Variants in ECPAS observed in about 807,000 individuals in gnomAD.
ECPAS encodes the protein Ecm29 proteasome adaptor and scaffold, also known as proteasome adapter and scaffold protein ECM29.
Under a neutral mutation model 255.1 loss-of-function variants are expected in ECPAS, and 70 were observed. The observed-to-expected ratio is 0.27, with a 90% confidence interval of 0.23 to 0.33. The LOEUF (loss-of-function observed/expected upper bound fraction) is 0.33. Among genes scored for constraint, ECPAS ranks in the 10% least tolerant of loss-of-function variants. The pLI, the probability that ECPAS is intolerant of heterozygous loss-of-function variation, is 1.00. For synonymous variants in ECPAS, 784 were observed against 775.0 expected, an observed-to-expected ratio of 1.01 and a Z score of -0.19; for missense variants, 1,817 against 2,206.4, an observed-to-expected ratio of 0.82 and a Z score of 3.54.
At chr9:111,457,246 G>C (rs1393946602) in intron 2 of ECPAS, among the ~76,000 whole-genome samples, 1 of 152,134 alleles carries the variant, frequency 6.6e-6, no homozygotes, top group Non-Finnish European at 1.5e-5. Context: ...GAGGAATACA[G>C]TAAATGACAA....
At chr9:111,481,411 C>T (rs1235446293) in intron 1 of ECPAS, among the ~76,000 whole-genome samples, 2 of 152,036 alleles carry the variant, frequency 1.3e-5, no homozygotes, top group Non-Finnish European at 2.9e-5. Flanking sequence ...AGGGCTGAGG[C>T]ATAAGAATGG....
intron 2 of ECPAS, among the ~76,000 whole-genome samples, chr9:111,458,457 T>C (rs1364663029): frequency 6.6e-6 from 1 of 152,218 alleles, no homozygotes; most frequent in Non-Finnish European, 1.5e-5. Context: ...TTGTTATTCA[T>C]GGTGGGACCC....
chr9:111,462,850 C>G (rs936548815), intron 2 of ECPAS, among the ~76,000 whole-genome samples: 1 of 150,244 alleles, frequency 6.7e-6, no homozygotes, highest in Non-Finnish European at 1.5e-5. Flanking sequence ...TCAAGCGATT[C>G]TCCTGCCTCA....
intron 49 of ECPAS, among the ~76,000 whole-genome samples, chr9:111,362,967 T>C (rs529214048): frequency 1.3e-5 from 2 of 152,198 alleles, no homozygotes; most frequent in Admixed American, 1.3e-4. Flanking sequence ...AAAGAGCAAA[T>C]ACACAAGGTT....
rs750670170 is a variant in ECPAS, at chr9:111,408,682, C to G, written c.2551-10G>C. On this transcript the variant is annotated splice_polypyrimidine_tract_variant and intron_variant, in intron 23 of 49. Transcript: ENST00000684092. ...TTGCTCGTTCTTTCATCTGGAAGAA[C>G]ACCAAATTTTTTTCTTTTAAACAGA... 8 of 1,529,694 alleles carry G rather than the reference C, an allele frequency of 5.2e-6. No individual in the cohort carries two copies. The South Asian group carries it at 6.3e-5, about 12-fold the overall frequency. 94.8% of individuals were successfully genotyped at this position (1,529,694 alleles called of 1,614,324 possible).
chr9:111,363,568 C>G lies in ECPAS; in HGVS notation c.5380+20G>C, dbSNP rs529045934. 2.2e-5 allele frequency: 33 copies of G among 1,484,630 alleles called. No homozygotes were observed. The South Asian group carries it at 3.7e-4, about 17-fold the overall frequency. The allele number at this position is 1,484,630 out of a possible 1,614,324, so 92.0% of individuals were successfully genotyped here. A position where few individuals can be genotyped will look rare whatever the true frequency, so the allele number is the denominator to read the frequency against. ...CCACATGGCTTTATGGTCCCCCAGT[C>G]AGAACTAACAACAACTTACCTTCAA... On this transcript the variant is annotated intron_variant, in intron 49 of 49. Coordinates refer to ENST00000684092, the MANE Select transcript of ECPAS (RefSeq NM_001364929.1).
At chr9:111,475,259 A>G (rs1288106900) in intron 1 of ECPAS, among the ~76,000 whole-genome samples, 1 of 152,228 alleles carries the variant, frequency 6.6e-6, no homozygotes, top group Non-Finnish European at 1.5e-5. Flanking sequence ...ATAAAATGGG[A>G]AGCATCAAGG....
At chr9:111,419,537 T>G (rs545429085) in intron 16 of ECPAS, among the ~76,000 whole-genome samples, 36 of 152,118 alleles carry the variant, frequency 2.4e-4, no homozygotes, top group African/African-American at 8.4e-4. Flanking sequence ...GAAAATGCAG[T>G]AGTATAATTC....
rs774578514 is a variant in ECPAS at position 111,484,364 on chromosome 9, A to G, written c.-331T>C. 4 of 1,611,376 alleles carry G rather than the reference A, an allele frequency of 2.5e-6. No homozygotes were observed. The highest frequency in any genetic ancestry group is 3.4e-6 in the Non-Finnish European group (4 of 1,179,244). On this transcript the variant is annotated 5_prime_UTR_variant, in exon 1 of 50. Transcript: ENST00000684092. ...CCGACCTGGGGAAACACGCCTGTCC[A>G]AAGGAAGAGACGTGGACTCAGAAAA...
chr9:111,389,914 A>G (rs2098156740), intron 30 of ECPAS, 70 bp downstream of exon 30: 1 of 1,215,712 alleles, frequency 8.2e-7, no homozygotes, highest in South Asian at 1.3e-5. Flanking sequence ...ACCATTTGCC[A>G]CTGTCTGCCA....
chr9:111,484,029 CGCGGCGGCCTGTGCGG>C (rs1306341661), intron 1 of ECPAS, 71 bp downstream of exon 1: 39 of 1,048,736 alleles, frequency 3.7e-5, no homozygotes, highest in Non-Finnish European at 4.2e-5. Flanking sequence ...GGACTCGACA[CGCGGCGGCCTGTGCGG>C]GCGGCCCGGC....
At chr9:111,457,432 G>A (rs1037919292) in intron 2 of ECPAS, among the ~76,000 whole-genome samples, 1 of 152,140 alleles carries the variant, frequency 6.6e-6, no homozygotes, top group Non-Finnish European at 1.5e-5. Context: ...GAGAGATTAG[G>A]ATTCAGCACA....
intron 45 of ECPAS, among the ~76,000 whole-genome samples, 163 bp from the exon 46 acceptor site, chr9:111,369,336 C>A (rs529224866): frequency 5.9e-5 from 9 of 152,222 alleles, no homozygotes; most frequent in African/African-American, 2.2e-4. Flanking sequence ...GAATTTATAA[C>A]CAGAATACTG....
At chr9:111,384,401 T>C (rs1039068755) in intron 34 of ECPAS, 121 bp downstream of exon 34, 5 of 843,082 alleles carry the variant, frequency 5.9e-6, no homozygotes, top group Non-Finnish European at 7.9e-6. Context: ...AGCAGTGAAC[T>C]ACAACATGAA....
intron 2 of ECPAS, among the ~76,000 whole-genome samples, chr9:111,469,191 T>G (rs991779125): frequency 6.6e-6 from 1 of 151,032 alleles, no homozygotes; most frequent in African/African-American, 2.4e-5. Flanking sequence ...TAAGCCAAAA[T>G]TGTGCCACTG....
chr9:111,430,414 C>G, intron 9 of ECPAS, 133 bp downstream of exon 9: 1 of 668,668 alleles, frequency 1.5e-6, no homozygotes, highest in African/African-American at 1.8e-5. Context: ...TCTAAACTAG[C>G]ATGACTTAAA....
chr9:111,482,397 T>C (rs1448101985), intron 1 of ECPAS, among the ~76,000 whole-genome samples: 1 of 152,244 alleles, frequency 6.6e-6, no homozygotes, highest in African/African-American at 2.4e-5. Flanking sequence ...AATTCCTACC[T>C]ATCTGCCTCA....
rs751687233 is a variant in ECPAS at position 111,407,428 on chromosome 9, A to AAAAAAAAAAAAAAAAAAAG, written c.2652+1142_2652+1143insCTTTTTTTTTTTTTTTTTT. 7.9e-4 allele frequency among the ~76,000 whole-genome samples: 78 copies of AAAAAAAAAAAAAAAAAAAG among 98,812 alleles called. 6 individuals carry two copies. The highest frequency in any genetic ancestry group is 1.5e-3 in the Non-Finnish European group (57 of 38,748). 64.8% of individuals were successfully genotyped at this position (98,812 alleles called of 152,430 possible). A position where few individuals can be genotyped will look rare whatever the true frequency, so the allele number is the denominator to read the frequency against. On this transcript the variant is annotated intron_variant, in intron 24 of 49. Coordinates refer to ENST00000684092, the MANE Select transcript of ECPAS (RefSeq NM_001364929.1). ...GAAAAAAAAAAAAAAAAAAAAAAAA[A>AAAAAAAAAAAAAAAAAAAG]AAAAAAAAAACCTAGAAGAAACCCA...
At chr9:111,436,805 A>C in intron 7 of ECPAS, 135 bp downstream of exon 7, 1 of 740,330 alleles carries the variant, frequency 1.4e-6, no homozygotes, top group Non-Finnish European at 2.1e-6. Context: ...AGAACACATT[A>C]CATCAACTGC....
Sources: gnomAD v4.1 joint callset for allele counts (sites outside exome capture counted in the v4.1 genomes callset) on GRCh38, gnomAD v4.1.1 for gene constraint, MANE v1.5 for transcripts, NCBI Gene and HGNC (gene_info 2026-07-23, HGNC 2026-07-21) for gene names.